Variants in BUB1B observed in about 807,000 individuals in gnomAD.
BUB1B encodes mitotic checkpoint serine/threonine-protein kinase BUB1 beta.
In BUB1B, 86 loss-of-function variants were observed where a neutral mutation model predicts 137.7. That is an observed-to-expected ratio of 0.62 (90% CI 0.52 to 0.75). BUB1B has a LOEUF of 0.75. Among genes scored for constraint, BUB1B ranks in the 30% least tolerant of loss-of-function variants. The pLI, the probability that BUB1B is intolerant of heterozygous loss-of-function variation, is 0.00. For missense variants in BUB1B, 1,130 were observed against 1,236.9 expected (o/e 0.91, Z 1.30); for synonymous variants, 420 against 417.9 (o/e 1.00, Z -0.06).
chr15:40,216,573 T>TA lies in BUB1B; in HGVS notation c.2679-923_2679-922insA, dbSNP rs1566829837. On this transcript the variant is annotated intron_variant, in intron 20 of 22. Transcript: ENST00000287598. ...TATATATATATATATATATATATAT[T>TA]TTTTTTTTTTTTTAATTATAGTATA... Among the ~76,000 whole-genome samples, 214 of 110,228 alleles carry TA rather than the reference T, an allele frequency of 1.9e-3. 3 individuals are homozygous for TA. The highest frequency in any genetic ancestry group is 0.011 in the Admixed American group (130 of 12,312). 72.3% of individuals were successfully genotyped at this position (110,228 alleles called of 152,430 possible).
At chr15:40,206,610 A>C in intron 15 of BUB1B, 152 bp downstream of exon 15, 1 of 940,942 alleles carries the variant, frequency 1.1e-6, no homozygotes, top group Non-Finnish European at 1.6e-6. Context: ...CCCCAGATGA[A>C]GTGTCAATGG....
At chr15:40,188,669 G>A (rs184436686) in intron 8 of BUB1B, among the ~76,000 whole-genome samples, 2 of 141,610 alleles carry the variant, frequency 1.4e-5, no homozygotes, top group East Asian at 2.2e-4. Flanking sequence ...TGTAACCTCC[G>A]CCTCCCGGGT....
At chr15:40,174,590 G>A (rs1028136386) in intron 4 of BUB1B, among the ~76,000 whole-genome samples, 4 of 152,178 alleles carry the variant, frequency 2.6e-5, no homozygotes, top group African/African-American at 7.2e-5. Flanking sequence ...AGACAATTAG[G>A]AACAGATAAA....
At chr15:40,165,417 A>G (rs1330167974) in intron 2 of BUB1B, among the ~76,000 whole-genome samples, 4 of 152,222 alleles carry the variant, frequency 2.6e-5, no homozygotes, top group Non-Finnish European at 5.9e-5. Flanking sequence ...ACTGTGGTGC[A>G]GCGAAACTCT....
chr15:40,184,671 G>A (rs2037337564), intron 6 of BUB1B, among the ~76,000 whole-genome samples: 1 of 152,032 alleles, frequency 6.6e-6, no homozygotes, highest in Non-Finnish European at 1.5e-5. Flanking sequence ...AGGATATAGG[G>A]AGTGTATGGT....
At chr15:40,212,697 G>A (rs908774754) in intron 19 of BUB1B, 49 bp downstream of exon 19, 1 of 1,564,090 alleles carries the variant, frequency 6.4e-7, no homozygotes, top group Non-Finnish European at 8.8e-7. Context: ...AGAGAGATTT[G>A]TGCTCCATTT....
In BUB1B at chr15:40,209,419, G is replaced by A. The variant is rs111942356; in HGVS notation, c.2144-216G>A. ...AGCCTGGGCAACAGAGCGAGACTCC[G>A]TCTCAAAGAAGTTGCCATAAATTGT... On this transcript the variant is annotated intron_variant, in intron 16 of 22. Coordinates refer to ENST00000287598, the MANE Select transcript of BUB1B (RefSeq NM_001211.6). Among the ~76,000 whole-genome samples, 928 of 152,362 alleles carry A rather than the reference G, an allele frequency of 6.1e-3. 7 individuals carry two copies. The highest frequency in any genetic ancestry group is 0.021 in the African/African-American group (886 of 41,592).
At chr15:40,161,846 G>A (rs144196746) in intron 1 of BUB1B, among the ~76,000 whole-genome samples, 1 of 152,248 alleles carries the variant, frequency 6.6e-6, no homozygotes, top group African/African-American at 2.4e-5. Flanking sequence ...ATCTGTATGT[G>A]TTTTCACTGT....
chr15:40,183,768 A>G lies in BUB1B; in HGVS notation c.636A>G (p.Glu212=), dbSNP rs769213287. Reference sequence around the variant, plus strand: ...CTCTGTTGGCACTTGAGAAAGAAGAAGAGGAGGAAGTTTTTGAGTCTTCTG... The same window carrying G: ...CTCTGTTGGCACTTGAGAAAGAAGAGGAGGAGGAAGTTTTTGAGTCTTCTG... ...RQTLLALEKE[E]EEEVFESSVP... is the part of the protein sequence containing the mutation. The change falls in exon 6 of 23, where the codon GAA becomes GAG. Residue 212 remains glutamate, a synonymous_variant. Transcript: ENST00000287598. 4.3e-6 allele frequency: 7 copies of G among 1,614,042 alleles called. No individual in the cohort carries two copies. The East Asian group carries it at 8.9e-5, about 21-fold the overall frequency.
At chr15:40,193,781 C>G (rs2037465487) in intron 8 of BUB1B, among the ~76,000 whole-genome samples, 1 of 151,994 alleles carries the variant, frequency 6.6e-6, no homozygotes, top group Non-Finnish European at 1.5e-5. Flanking sequence ...GTAATCCCAG[C>G]TACTCGGGAG....
chr15:40,194,541 C>T (rs539570688), intron 8 of BUB1B, among the ~76,000 whole-genome samples: 6 of 152,278 alleles, frequency 3.9e-5, no homozygotes, highest in South Asian at 4.1e-4. Context: ...TTGGACCCTA[C>T]CATTACAGTT....
intron 12 of BUB1B, among the ~76,000 whole-genome samples, chr15:40,201,810 G>A (rs1413680963): frequency 2.0e-5 from 3 of 152,172 alleles, no homozygotes; most frequent in African/African-American, 4.8e-5. Context: ...GGGACTACAG[G>A]CGCCCACCAC....
At chr15:40,192,009 C>G (rs1260818435) in intron 8 of BUB1B, among the ~76,000 whole-genome samples, 1 of 152,042 alleles carries the variant, frequency 6.6e-6, no homozygotes. Context: ...TTAAGATTAG[C>G]CTGTCAATTT....
At chr15:40,168,578 C>G (rs957388650) in intron 2 of BUB1B, among the ~76,000 whole-genome samples, 5 of 152,116 alleles carry the variant, frequency 3.3e-5, no homozygotes, top group Admixed American at 2.0e-4. Flanking sequence ...CTTCTAATGC[C>G]TGGCTATCCT....
chr15:40,205,307 T>G (rs960060101), intron 14 of BUB1B, among the ~76,000 whole-genome samples: 12 of 152,156 alleles, frequency 7.9e-5, no homozygotes, highest in African/African-American at 2.9e-4. Context: ...CTTTAGTTAC[T>G]AAGTCAGAAA....
chr15:40,207,671 C>T (rs570087009), intron 15 of BUB1B, among the ~76,000 whole-genome samples: 41 of 152,120 alleles, frequency 2.7e-4, no homozygotes, highest in Middle Eastern at 6.8e-3. Context: ...GAAATGTATG[C>T]TGGACATGGC....
intron 8 of BUB1B, among the ~76,000 whole-genome samples, chr15:40,193,219 G>A (rs2037457850): frequency 6.6e-6 from 1 of 152,094 alleles, no homozygotes; most frequent in Non-Finnish European, 1.5e-5. Context: ...TTTTAGCCTT[G>A]TAGGAAAGTG....
intron 15 of BUB1B, among the ~76,000 whole-genome samples, chr15:40,208,064 G>A (rs1457551031): frequency 1.1e-4 from 16 of 150,896 alleles, no homozygotes; most frequent in African/African-American, 3.9e-4. Flanking sequence ...AGGCTGCAGT[G>A]AGCCATGATC....
intron 5 of BUB1B, among the ~76,000 whole-genome samples, chr15:40,177,467 T>A (rs897985231): frequency 6.6e-6 from 1 of 152,132 alleles, no homozygotes; most frequent in Non-Finnish European, 1.5e-5. Context: ...CAATGCCAAT[T>A]GTTGAAAAGA....
Sources: gnomAD v4.1 joint callset for allele counts (sites outside exome capture counted in the v4.1 genomes callset) on GRCh38, gnomAD v4.1.1 for gene constraint, MANE v1.5 for transcripts, NCBI Gene and HGNC (gene_info 2026-07-23, HGNC 2026-07-21) for gene names.